Variants in XPO1 observed in about 807,000 individuals in gnomAD.
XPO1 encodes the protein exportin 1, also known as exportin-1.
A neutral mutation model predicts 133.3 loss-of-function variants in XPO1; 5 were observed. The observed-to-expected ratio is 0.04, with a 90% CI of 0.02 to 0.08. The LOEUF is 0.08. Among genes scored for constraint, XPO1 ranks in the 10% least tolerant of loss-of-function variants. The pLI, the probability that XPO1 is intolerant of heterozygous loss-of-function variation, is 1.00. For missense variants in XPO1, 506 were observed against 1,267.5 expected (o/e 0.40, Z 9.12); for synonymous variants, 419 against 408.2 (o/e 1.03, Z -0.32).
At chr2:61,538,487 C>A (rs1489215311), upstream of XPO1, 1 of 152,982 alleles carries the variant, frequency 6.5e-6, no homozygotes, top group African/African-American at 2.4e-5. Flanking sequence ...CGCTTCGGCC[C>A]CTACCTCTTT....
chr2:61,520,359 C>T (rs1385085533), intron 4 of XPO1, among the ~76,000 whole-genome samples: 1 of 152,058 alleles, frequency 6.6e-6, no homozygotes, highest in Non-Finnish European at 1.5e-5. Flanking sequence ...AAAAGGTAAT[C>T]ATGTTGACTA....
intron 17 of XPO1, 126 bp downstream of exon 17, chr2:61,490,516 A>G: frequency 7.5e-7 from 1 of 1,332,886 alleles, no homozygotes; most frequent in Non-Finnish European, 1.0e-6. Context: ...TAAATTATAG[A>G]AAGACACACA....
intron 22 of XPO1, 179 bp downstream of exon 22, chr2:61,482,778 T>C: frequency 1.2e-6 from 1 of 806,906 alleles, no homozygotes; most frequent in Admixed American, 3.2e-5. Context: ...GTATTTTTAT[T>C]GTATCTTTTA....
Position 61,511,884 on chromosome 2 carries a change from G to A in XPO1, c.302-9574C>T, listed in dbSNP as rs1452831555. ...AGCAACTCCCCTGCTGCAACCTACC[G>A]AGTAGCTGGGATTCTGGGATTACAG... is the stretch of plus-strand genomic sequence containing the variant. On this transcript the variant is annotated intron_variant, in intron 4 of 24. Transcript: ENST00000401558. Among the ~76,000 whole-genome samples the A allele has an allele frequency of 5.3e-5, 8 of 152,022 alleles. No homozygotes were observed. In the East Asian group the frequency reaches 7.8e-4, roughly 15 times the overall value.
chr2:61,480,130 G>A (rs1696268571), intron 24 of XPO1, among the ~76,000 whole-genome samples: 1 of 152,062 alleles, frequency 6.6e-6, no homozygotes, highest in Non-Finnish European at 1.5e-5. Context: ...CTCCCAAAGT[G>A]CTGGGATTAC....
intron 21 of XPO1, 86 bp from the exon 22 acceptor site, chr2:61,483,177 T>C: frequency 6.9e-7 from 1 of 1,442,512 alleles, no homozygotes; most frequent in Non-Finnish European, 9.3e-7. Context: ...GTATTCTGAA[T>C]CTAACCCTGT....
At chr2:61,482,340 C>A in intron 23 of XPO1, 40 bp downstream of exon 23, 1 of 1,543,970 alleles carries the variant, frequency 6.5e-7, no homozygotes, top group Non-Finnish European at 8.8e-7. Context: ...CCACTGTGCC[C>A]GACCAGGAAC....
At chr2:61,512,942 G>T (rs1025087197) in intron 4 of XPO1, among the ~76,000 whole-genome samples, 2 of 152,140 alleles carry the variant, frequency 1.3e-5, no homozygotes, top group African/African-American at 2.4e-5. Flanking sequence ...GGAGTTTGCA[G>T]TGAGCCAAGA....
rs772879524 is a variant in XPO1 at position 61,526,535 on chromosome 2, A to T, written c.127-14T>A. On this transcript the variant is annotated splice_polypyrimidine_tract_variant and intron_variant, in intron 2 of 24. Coordinates refer to ENST00000401558, the MANE Select transcript of XPO1 (RefSeq NM_003400.4). ...AGCCATTCTTTGCTAAAATATTATT[A>T]AAAAAAACAAAACTTAAGCTAATGT... 541 of 1,538,644 alleles carry T rather than the reference A, an allele frequency of 3.5e-4. 1 individual carries two copies. The highest frequency in any genetic ancestry group is 6.9e-4 in the Middle Eastern group (4 of 5,766).
rs1258574172 is a variant in XPO1, at chr2:61,492,298, C to T, written c.1723+27G>A. On this transcript the variant is annotated intron_variant, in intron 15 of 24. Transcript: ENST00000401558. This position sits in a 1 kb window ranked among gnomAD's most constrained non-coding sequence, Gnocchi z 5.6. ...TTATTTTCTTCAATAAAAATAAAAG[C>T]AAAATATAGTAAAGAAAGAGATTTA... 3 of 1,581,500 alleles carry T rather than the reference C, an allele frequency of 1.9e-6. No homozygotes were observed. The highest frequency in any genetic ancestry group is 2.2e-5 in the East Asian group (1 of 44,740).
intron 20 of XPO1, 84 bp from the exon 21 acceptor site, chr2:61,484,189 T>C: frequency 8.1e-7 from 1 of 1,237,654 alleles, no homozygotes; most frequent in Non-Finnish European, 1.1e-6. Context: ...CTTAATCCAG[T>C]ATAAATATTT....
intron 3 of XPO1, among the ~76,000 whole-genome samples, chr2:61,524,510 T>G (rs570087705): frequency 8.3e-4 from 127 of 152,338 alleles, no homozygotes; most frequent in African/African-American, 2.9e-3. Flanking sequence ...CAATAAATGC[T>G]TTGCCCAGGT....
rs1395692510 is a variant in XPO1 at position 61,537,994 on chromosome 2, C to G, written c.-439G>C. On this transcript the variant is annotated 5_prime_UTR_variant, in exon 1 of 25. Coordinates refer to ENST00000401558, the MANE Select transcript of XPO1 (RefSeq NM_003400.4). ...CTCTGCTGCCAGTTGCAGTCCGACT[C>G]CCCCCTACCAAAACACGGCTCCCTC... The G allele has an allele frequency of 1.2e-5, 2 of 160,196 alleles. No homozygotes were observed. Among genetic ancestry groups the G allele is most frequent in the Non-Finnish European group, 2.7e-5 (2 of 73,374 alleles). 9.9% of individuals were successfully genotyped at this position (160,196 alleles called of 1,614,324 possible). A position where few individuals can be genotyped will look rare whatever the true frequency, so the allele number is the denominator to read the frequency against.
chr2:61,513,686 A>G (rs1394059529), intron 4 of XPO1, among the ~76,000 whole-genome samples: 1 of 152,142 alleles, frequency 6.6e-6, no homozygotes, highest in African/African-American at 2.4e-5. Flanking sequence ...ATACAACACA[A>G]AAAACATCAA....
rs747450185 is a variant in XPO1, at chr2:61,478,221, A to C, written c.*599T>G. On this transcript the variant is annotated 3_prime_UTR_variant, in exon 25 of 25. Coordinates refer to ENST00000401558, the MANE Select transcript of XPO1 (RefSeq NM_003400.4). The stretch of plus-strand genomic sequence containing the variant: ...CAAAAACAAAAAGAACTGTGTAAAA[A>C]TAACTAACTGTGTTCCCATATTTTT... 4.3e-6 allele frequency: 1 copy of C among 233,620 alleles called. No homozygotes were observed. Among genetic ancestry groups the C allele is most frequent in the Non-Finnish European group, 8.5e-6 (1 of 118,002 alleles). 14.5% of individuals were successfully genotyped at this position (233,620 alleles called of 1,614,324 possible).
intron 1 of XPO1, 146 bp downstream of exon 1, chr2:61,537,416 T>A (rs1251398721): frequency 6.0e-5 from 9 of 149,296 alleles, no homozygotes; most frequent in Non-Finnish European, 1.4e-4. Context: ...CAGGCTCCGC[T>A]GTGGGCCCGC....
Position 61,496,823 on chromosome 2 carries a change from G to C in XPO1, c.888+56C>G, listed in dbSNP as rs922554937. Reference sequence around the variant, plus strand: ...TCTAAAATAACTCATTTGGAATTTGGTATTTTCTAAGGCACTAAAATTATT... The same window carrying C: ...TCTAAAATAACTCATTTGGAATTTGCTATTTTCTAAGGCACTAAAATTATT... On this transcript the variant is annotated intron_variant, in intron 10 of 24. Transcript: ENST00000401558. 2.9e-6 allele frequency: 4 copies of C among 1,401,354 alleles called. No homozygotes were observed. In the African/African-American group the frequency reaches 5.9e-5, roughly 21 times the overall value. The allele number at this position is 1,401,354 out of a possible 1,614,324, so 86.8% of individuals were successfully genotyped here.
chr2:61,535,263 C>G (rs561025131), intron 1 of XPO1, among the ~76,000 whole-genome samples: 1 of 152,144 alleles, frequency 6.6e-6, no homozygotes, highest in East Asian at 1.9e-4. Context: ...GTCTAAGATG[C>G]CTGAGACTCT....
chr2:61,483,230 A>T, intron 21 of XPO1, 139 bp from the exon 22 acceptor site: 1 of 870,790 alleles, frequency 1.1e-6, no homozygotes, highest in South Asian at 2.0e-5. Flanking sequence ...TACTTGCATA[A>T]GGTTTCTTAA....
Sources: allele counts gnomAD v4.1 joint callset (sites outside exome capture counted in the v4.1 genomes callset), GRCh38; gene constraint gnomAD v4.1.1; non-coding constraint Gnocchi (gnomAD v3.1); transcripts MANE v1.5; gene names NCBI Gene and HGNC (gene_info 2026-07-23, HGNC 2026-07-21).